Variants in PAPSS1 observed in about 807,000 individuals in gnomAD.
PAPSS1 encodes bifunctional 3'-phosphoadenosine 5'-phosphosulfate synthase 1.
In PAPSS1, 50 loss-of-function variants were observed where a neutral mutation model predicts 72.0. That is an observed-to-expected ratio of 0.69 (90% confidence interval 0.55 to 0.88). PAPSS1 has a LOEUF of 0.88. Ranked by LOEUF, PAPSS1 falls within the 40% of genes least tolerant of loss-of-function variation. The pLI, the probability that PAPSS1 is intolerant of heterozygous loss-of-function variation, is 0.00. For synonymous variants in PAPSS1, 261 were observed against 263.6 expected, an observed-to-expected ratio of 0.99 and a Z score of 0.09; for missense variants, 657 against 782.2, an observed-to-expected ratio of 0.84 and a Z score of 1.91.
Position 107,644,997 on chromosome 4 carries a change from C to T in PAPSS1, c.1311G>A (p.Lys437=). Residue 437 remains lysine (K), a synonymous_variant, in exon 10 of 12, where the codon AAG becomes AAA. Transcript: ENST00000265174. ...GCCGGTAGCCCCTCTCTAGAAGTTGCTTATGGGTATCCTGCATTAACAGGG... is the reference window on the plus strand; with the variant it reads ...GCCGGTAGCCCCTCTCTAGAAGTTGTTTATGGGTATCCTGCATTAACAGGG... ...GHALLMQDTH[K]QLLERGYRRP... is the part of the protein sequence containing the mutation. 1 of 1,612,308 alleles carries T rather than the reference C, an allele frequency of 6.2e-7. No homozygotes were observed. The highest frequency in any genetic ancestry group is 8.5e-7 in the Non-Finnish European group (1 of 1,178,978).
intron 5 of PAPSS1, among the ~76,000 whole-genome samples, chr4:107,661,695 T>C (rs1240178828): frequency 1.3e-5 from 2 of 152,150 alleles, no homozygotes; most frequent in African/African-American, 4.8e-5. Context: ...AAAAATGTAA[T>C]TCAAGATGAA....
At chr4:107,697,548 C>T (rs1288625817) in intron 2 of PAPSS1, among the ~76,000 whole-genome samples, 1 of 152,138 alleles carries the variant, frequency 6.6e-6, no homozygotes, top group African/African-American at 2.4e-5. Flanking sequence ...TCTGTTCATA[C>T]ATACATGTGT....
intron 1 of PAPSS1, among the ~76,000 whole-genome samples, chr4:107,708,294 T>G (rs971739245): frequency 6.6e-6 from 1 of 152,180 alleles, no homozygotes; most frequent in African/African-American, 2.4e-5. Flanking sequence ...AAGTAGACAT[T>G]TGTATATCTT....
chr4:107,660,994 A>G (rs57034708), intron 5 of PAPSS1, among the ~76,000 whole-genome samples: 27,861 of 152,176 alleles, frequency 0.18, 2,974 homozygotes, highest in East Asian at 0.37. Flanking sequence ...TACAAAATAA[A>G]CAATTAAAAC....
chr4:107,669,657 G>A (rs1411668252), intron 5 of PAPSS1, among the ~76,000 whole-genome samples: 1 of 152,198 alleles, frequency 6.6e-6, no homozygotes, highest in African/African-American at 2.4e-5. Context: ...TCATTGGGAA[G>A]TGAAGTCATT....
intron 4 of PAPSS1, among the ~76,000 whole-genome samples, chr4:107,685,277 C>T (rs1722751628): frequency 6.6e-6 from 1 of 152,208 alleles, no homozygotes; most frequent in South Asian, 2.1e-4. Flanking sequence ...GGGCAATGTA[C>T]TGTGCTAAAT....
At chr4:107,714,588 AT>A (rs1187550365) in intron 1 of PAPSS1, among the ~76,000 whole-genome samples, 3 of 152,144 alleles carry the variant, frequency 2.0e-5, no homozygotes, top group African/African-American at 7.2e-5. Context: ...TGCCACAACA[AT>A]TGGATTTTTC....
intron 5 of PAPSS1, among the ~76,000 whole-genome samples, chr4:107,675,205 G>A (rs1727606132): frequency 6.6e-6 from 1 of 152,096 alleles, no homozygotes; most frequent in Non-Finnish European, 1.5e-5. Flanking sequence ...GAAGGAAACA[G>A]AGACACAAAA....
At chr4:107,622,989 T>A (rs984901878) in intron 11 of PAPSS1, among the ~76,000 whole-genome samples, 1 of 152,208 alleles carries the variant, frequency 6.6e-6, no homozygotes, top group Admixed American at 6.6e-5. Context: ...ACAATTATAC[T>A]ACAAGTCCTA....
intron 5 of PAPSS1, among the ~76,000 whole-genome samples, chr4:107,665,510 C>T (rs1727292535): frequency 6.6e-6 from 1 of 152,142 alleles, no homozygotes; most frequent in Non-Finnish European, 1.5e-5. Context: ...AAAGAGATCA[C>T]AAGCCAGGCC....
intron 10 of PAPSS1, among the ~76,000 whole-genome samples, chr4:107,635,127 TA>T (rs1726336796): frequency 1.3e-5 from 2 of 152,208 alleles, no homozygotes; most frequent in Admixed American, 6.5e-5. Flanking sequence ...AAGTTTTTTC[TA>T]AAATGTTTTA....
At chr4:107,654,054 A>G (rs1020357664) in intron 8 of PAPSS1, among the ~76,000 whole-genome samples, 1 of 152,046 alleles carries the variant, frequency 6.6e-6, no homozygotes, top group Non-Finnish European at 1.5e-5. Flanking sequence ...ATTTCTTACA[A>G]TTTTACTACT....
At chr4:107,633,931 A>AT (rs1726292325) in intron 10 of PAPSS1, among the ~76,000 whole-genome samples, 1 of 151,808 alleles carries the variant, frequency 6.6e-6, no homozygotes, top group South Asian at 2.1e-4. Flanking sequence ...AAAAAAAAAA[A>AT]AAAAAAGAAT....
intron 3 of PAPSS1, among the ~76,000 whole-genome samples, chr4:107,691,350 T>C (rs1722913489): frequency 6.6e-6 from 1 of 152,186 alleles, no homozygotes; most frequent in African/African-American, 2.4e-5. Context: ...TAGGCATTAC[T>C]TGAACTGCAG....
At chr4:107,634,797 A>ATTTTTTTTTTTTT (rs3083966) in intron 10 of PAPSS1, among the ~76,000 whole-genome samples, 1 of 116,010 alleles carries the variant, frequency 8.6e-6, no homozygotes, top group African/African-American at 3.6e-5. Context: ...TATTCTAGAC[A>ATTTTTTTTTTTTT]TTTTTTTTTT....
At chr4:107,631,590 C>G in intron 11 of PAPSS1, 41 bp downstream of exon 11, 1 of 1,422,082 alleles carries the variant, frequency 7.0e-7, no homozygotes. Flanking sequence ...AGCTAGACCA[C>G]GAAGTACTTC....
intron 2 of PAPSS1, among the ~76,000 whole-genome samples, chr4:107,699,832 A>G (rs1246635050): frequency 6.6e-6 from 1 of 152,180 alleles, no homozygotes; most frequent in African/African-American, 2.4e-5. Flanking sequence ...AGTTGGCATA[A>G]AAGGTAGTCA....
intron 2 of PAPSS1, among the ~76,000 whole-genome samples, chr4:107,696,599 G>C (rs901939566): frequency 6.6e-6 from 1 of 152,064 alleles, no homozygotes; most frequent in Non-Finnish European, 1.5e-5. Flanking sequence ...GGTAGGTAGG[G>C]GAGGGAAAGC....
At chr4:107,636,883 T>C (rs1453945520) in intron 10 of PAPSS1, among the ~76,000 whole-genome samples, 1 of 152,186 alleles carries the variant, frequency 6.6e-6, no homozygotes, top group Non-Finnish European at 1.5e-5. Context: ...CCAAAGACAT[T>C]TGTGGAGCTA....
Sources: allele counts gnomAD v4.1 joint callset (sites outside exome capture counted in the v4.1 genomes callset), GRCh38; gene constraint gnomAD v4.1.1; transcripts MANE v1.5; gene names NCBI Gene and HGNC (gene_info 2026-07-23, HGNC 2026-07-21).